The following PLEKHA1 variants were observed in gnomAD, a reference collection of about 807,000 sequenced individuals.
PLEKHA1 encodes the protein pleckstrin homology domain containing A1, also known as pleckstrin homology domain-containing family A member 1.
A neutral mutation model predicts 52.0 loss-of-function variants in PLEKHA1; 34 were observed. The ratio of observed to expected loss-of-function variants is 0.65; its 90% CI spans 0.50 to 0.87. PLEKHA1 has a LOEUF of 0.87. Ranked by LOEUF, PLEKHA1 falls within the 40% of genes least tolerant of loss-of-function variation. PLEKHA1 has a pLI of 0.00. For missense variants in PLEKHA1, 497 were observed against 504.2 expected (o/e 0.99, Z 0.14); for synonymous variants, 163 against 170.7 (o/e 0.95, Z 0.35).
downstream of PLEKHA1, chr10:122,437,070 C>T (rs536097366): frequency 1.6e-5 from 2 of 126,856 alleles, no homozygotes; most frequent in Admixed American, 1.9e-4. Flanking sequence ...CCTGTGGAAA[C>T]ATTTATTATT....
At chr10:122,439,055 G>A in the PLEKHA1 span, 2 of 152,200 alleles carry the variant, frequency 1.3e-5, no homozygotes, top group Non-Finnish European at 2.9e-5. Flanking sequence ...GGTTAAAGAA[G>A]TATCCAACTA....
chr10:122,380,881 A>C (rs1476561897), intron 1 of PLEKHA1, among the ~76,000 whole-genome samples: 1 of 152,068 alleles, frequency 6.6e-6, no homozygotes, highest in Non-Finnish European at 1.5e-5. Flanking sequence ...TGCACTGAAG[A>C]GTTTTGAGCA....
intron 1 of PLEKHA1, among the ~76,000 whole-genome samples, chr10:122,384,492 C>T (rs2096660068): frequency 6.6e-6 from 1 of 151,522 alleles, no homozygotes; most frequent in South Asian, 2.1e-4. Flanking sequence ...CCTGTAGTCC[C>T]AGCTGCTCGG....
intron 5 of PLEKHA1, among the ~76,000 whole-genome samples, chr10:122,408,203 A>G (rs549770112): frequency 6.6e-6 from 1 of 152,342 alleles, no homozygotes; most frequent in African/African-American, 2.4e-5. Context: ...TTCATGTTTT[A>G]CCATTTGCAA....
chr10:122,413,512 G>A (rs551531511), intron 6 of PLEKHA1, among the ~76,000 whole-genome samples: 16 of 152,106 alleles, frequency 1.1e-4, no homozygotes, highest in Middle Eastern at 3.4e-3. Context: ...GAAATTCCTA[G>A]AAATAAAATT....
At chr10:122,434,668 TTAACTCG>T (rs1326253026), downstream of PLEKHA1, 1 of 150,442 alleles carries the variant, frequency 6.6e-6, no homozygotes, top group Non-Finnish European at 1.5e-5. Flanking sequence ...GCTGCACCCA[TTAACTCG>T]TCATTTAGCA....
intron 1 of PLEKHA1, among the ~76,000 whole-genome samples, chr10:122,384,914 G>A (rs2096667116): frequency 6.6e-6 from 1 of 152,080 alleles, no homozygotes; most frequent in South Asian, 2.1e-4. Flanking sequence ...CGAGTATCAC[G>A]CGACTGCACT....
At chr10:122,384,173 A>G (rs1251873954) in intron 1 of PLEKHA1, among the ~76,000 whole-genome samples, 1 of 152,056 alleles carries the variant, frequency 6.6e-6, no homozygotes, top group Non-Finnish European at 1.5e-5. Flanking sequence ...TTTCTATTGA[A>G]CGTTTGATAT....
intron 4 of PLEKHA1, among the ~76,000 whole-genome samples, chr10:122,405,125 T>A (rs540766718): frequency 1.2e-3 from 181 of 152,250 alleles, no homozygotes; most frequent in Middle Eastern, 3.4e-3. Flanking sequence ...GCACATGTGC[T>A]TTGCTTGATA....
chr10:122,379,848 A>C (rs2901306), intron 1 of PLEKHA1, among the ~76,000 whole-genome samples: 3,172 of 152,176 alleles, frequency 0.021, 95 homozygotes, highest in African/African-American at 0.073. Context: ...GCTTTTTCTT[A>C]TATCACTCAG....
intron 8 of PLEKHA1, 28 bp from the exon 9 acceptor site, chr10:122,424,171 G>GTT (rs34058512): frequency 0.063 from 56,436 of 900,656 alleles, 742 homozygotes; most frequent in South Asian, 0.078. Context: ...TCATGTAACT[G>GTT]TTTTTTTTTT....
chr10:122,405,805 G>A (rs950525033), intron 4 of PLEKHA1, among the ~76,000 whole-genome samples: 1 of 152,066 alleles, frequency 6.6e-6, no homozygotes, highest in Admixed American at 6.6e-5. Context: ...GTATCCAAGG[G>A]GACTCTGCAA....
chr10:122,409,622 A>G (rs2097077850), intron 5 of PLEKHA1, among the ~76,000 whole-genome samples: 1 of 152,190 alleles, frequency 6.6e-6, no homozygotes, highest in Non-Finnish European at 1.5e-5. Flanking sequence ...AGTACTTTGA[A>G]TTTGTGGCAG....
Position 122,400,384 on chromosome 10 carries a change from T to C in PLEKHA1, c.240T>C (p.Cys80=). ...AGCTAAGGCCAAAGGCGGAGTTCTG[T>C]TTTGGTAAGTAGCCATGTTATATAT... The part of the protein sequence containing the change: ...ATKLRPKAEF[C]FVMNAGMRKY... Residue 80 remains cysteine, a synonymous_variant, in exon 4 of 12, where the codon TGT becomes TGC. Coordinates refer to ENST00000368990, the MANE Select transcript of PLEKHA1 (RefSeq NM_001001974.4). 6.2e-7 allele frequency: 1 copy of C among 1,606,862 alleles called. No individual in the cohort carries two copies. The highest frequency in any genetic ancestry group is 8.5e-7 in the Non-Finnish European group (1 of 1,177,628).
intron 1 of PLEKHA1, among the ~76,000 whole-genome samples, chr10:122,384,535 G>C (rs1008865807): frequency 3.3e-5 from 5 of 151,378 alleles, no homozygotes; most frequent in Admixed American, 6.6e-5. Context: ...GTGAACCCCA[G>C]GGGGCAGAGC....
chr10:122,437,870 G>C, the PLEKHA1 span: 2 of 152,642 alleles, frequency 1.3e-5, no homozygotes, highest in East Asian at 3.9e-4. Flanking sequence ...TGATGGAGTG[G>C]TGGGGACAAA....
intron 1 of PLEKHA1, among the ~76,000 whole-genome samples, chr10:122,377,825 C>G (rs2096559215): frequency 6.6e-6 from 1 of 151,980 alleles, no homozygotes; most frequent in African/African-American, 2.4e-5. Flanking sequence ...TTTAGTAAGC[C>G]TTTTAATTAG....
chr10:122,436,558 T>A (rs1032234639), downstream of PLEKHA1: 10 of 152,156 alleles, frequency 6.6e-5, no homozygotes, highest in African/African-American at 2.4e-4. Flanking sequence ...TGGAGTTGGG[T>A]CAATTGGTGT....
At chr10:122,409,069 A>G (rs1156589403) in intron 5 of PLEKHA1, among the ~76,000 whole-genome samples, 1 of 152,100 alleles carries the variant, frequency 6.6e-6, no homozygotes, top group Non-Finnish European at 1.5e-5. Context: ...TAGTTATAAT[A>G]TCTTGCCATT....
Sources: allele counts gnomAD v4.1 joint callset (sites outside exome capture counted in the v4.1 genomes callset), GRCh38; gene constraint gnomAD v4.1.1; transcripts MANE v1.5; gene names NCBI Gene and HGNC (gene_info 2026-07-23, HGNC 2026-07-21).